Variants in AKAP13 observed in about 807,000 individuals in gnomAD.
AKAP13 encodes A-kinase anchor protein 13.
In AKAP13, 80 loss-of-function variants were observed where a neutral mutation model predicts 264.5. The observed-to-expected ratio is 0.30, with a 90% CI of 0.25 to 0.36. The LOEUF (loss-of-function observed/expected upper bound fraction) is 0.36. Ranked by LOEUF, AKAP13 falls within the 10% of genes least tolerant of loss-of-function variation. The pLI is 1.00. For missense variants in AKAP13, 3,712 were observed against 3,435.2 expected, an observed-to-expected ratio of 1.08 and a Z score of -2.01; for synonymous variants, 1,380 against 1,250.2, an observed-to-expected ratio of 1.10 and a Z score of -2.19.
At chr15:85,495,417 C>T (rs926210119) in intron 2 of AKAP13, among the ~76,000 whole-genome samples, 2 of 152,060 alleles carry the variant, frequency 1.3e-5, no homozygotes, top group Non-Finnish European at 2.9e-5. Flanking sequence ...CTAACTAAAA[C>T]GACTATAAGA....
intron 4 of AKAP13, chr15:85,537,027 G>A (rs2077424389): frequency 6.6e-6 from 1 of 152,156 alleles, no homozygotes; most frequent in Admixed American, 6.5e-5. Flanking sequence ...TACTTTGCAA[G>A]GTGAAATGCA....
intron 5 of AKAP13, among the ~76,000 whole-genome samples, chr15:85,553,096 T>G (rs1354409162): frequency 6.7e-6 from 1 of 149,728 alleles, no homozygotes; most frequent in African/African-American, 2.5e-5. Context: ...TTTTTTTTTT[T>G]TTTTTTGGAG....
chr15:85,662,257 C>A, intron 12 of AKAP13: 1 of 802,240 alleles, frequency 1.2e-6, no homozygotes, highest in Non-Finnish European at 2.1e-6. Flanking sequence ...GTGTTACATT[C>A]CTAAATTTTT....
At position 85,681,919 on chromosome 15, in the gene AKAP13, T is replaced by C. The variant is rs767224593; in HGVS notation, c.5102-239T>C. Among the ~76,000 whole-genome samples, 60 of 152,208 alleles carry C rather than the reference T, an allele frequency of 3.9e-4. 1 individual carries two copies. Among genetic ancestry groups the C allele is most frequent in the Non-Finnish European group, 6.5e-4 (44 of 68,046 alleles). ...AGTTATTTGGAGTCTTTTTAGTTAC[T>C]TGAATCCTGGATTAAACTTATTTTC... On this transcript the variant is annotated intron_variant, in intron 14 of 36. Coordinates refer to ENST00000394518, the MANE Select transcript of AKAP13 (RefSeq NM_007200.5).
intron 35 of AKAP13, among the ~76,000 whole-genome samples, chr15:85,742,572 T>C (rs2089109420): frequency 6.6e-6 from 1 of 152,250 alleles, no homozygotes; most frequent in Non-Finnish European, 1.5e-5. Flanking sequence ...GCATAGTTCC[T>C]GATTTGCCTC....
chr15:85,559,113 A>T (rs1340481386), intron 5 of AKAP13, among the ~76,000 whole-genome samples: 2 of 151,774 alleles, frequency 1.3e-5, no homozygotes, highest in Admixed American at 6.6e-5. Context: ...ACTGTTGTTG[A>T]TCTTGGTCAA....
intron 34 of AKAP13, chr15:85,740,537 ATTACT>A: frequency 2.1e-6 from 1 of 470,090 alleles, no homozygotes; most frequent in South Asian, 3.7e-5. Context: ...CATCTGGGAG[ATTACT>A]TCACTTTAGA....
chr15:85,620,034 A>G, intron 8 of AKAP13: 1 of 1,534,564 alleles, frequency 6.5e-7, no homozygotes, highest in Non-Finnish European at 8.7e-7. Flanking sequence ...ACTGGTCCCC[A>G]AGTTAACAGT....
In AKAP13 at chr15:85,523,472, G is replaced by C. The variant is rs534111155; in HGVS notation, c.181+1897G>C. Among the ~76,000 whole-genome samples, 89 of 151,996 alleles carry C rather than the reference G, an allele frequency of 5.9e-4. No homozygotes were observed. The Middle Eastern group carries it at 0.014, about 23-fold the overall frequency. On this transcript the variant is annotated intron_variant, in intron 3 of 36. Transcript: ENST00000394518. ...TATCACCTCCTCAGTGAGGCCTTTCGGTCCAGCTCATAAAAATACACAGCT... is the reference window on the plus strand; with the variant it reads ...TATCACCTCCTCAGTGAGGCCTTTCCGTCCAGCTCATAAAAATACACAGCT...
chr15:85,658,503 C>T, intron 11 of AKAP13, 34 bp from the exon 12 acceptor site: 1 of 1,609,490 alleles, frequency 6.2e-7, no homozygotes, highest in Non-Finnish European at 8.5e-7. Context: ...TTTGTTTCAC[C>T]TGCAACACTG....
At chr15:85,457,507 G>T (rs28567745) in intron 1 of AKAP13, among the ~76,000 whole-genome samples, 33 of 152,338 alleles carry the variant, frequency 2.2e-4, no homozygotes, top group African/African-American at 7.7e-4. Flanking sequence ...ATAGTAGAAG[G>T]AGGTGGAGAT....
rs2077646629 is a variant in AKAP13 at position 85,543,825 on chromosome 15, A to T, written c.532A>T (p.Arg178Trp). 1.9e-6 allele frequency: 3 copies of T among 1,613,806 alleles called. No homozygotes were observed. In the Admixed American group the frequency reaches 5.0e-5, roughly 27 times the overall value. ...TTTTGCTGTGCGGCTGGGACTGCTGAGGTTGACGTGGTTCCTGTTGCAGAA... is the reference window on the plus strand; with the variant it reads ...TTTTGCTGTGCGGCTGGGACTGCTGTGGTTGACGTGGTTCCTGTTGCAGAA... ...MHFAVRLGLL[R>W]LTWFLLQKPG... is the part of the protein sequence containing the mutation. The change falls in exon 5 of 37, where the codon AGG becomes TGG. Residue 178 changes from arginine (R) to tryptophan (W), a missense_variant. Coordinates refer to ENST00000394518, the MANE Select transcript of AKAP13 (RefSeq NM_007200.5).
At chr15:85,654,006 T>C (rs886258972) in intron 10 of AKAP13, among the ~76,000 whole-genome samples, 1 of 152,188 alleles carries the variant, frequency 6.6e-6, no homozygotes, top group Non-Finnish European at 1.5e-5. Context: ...CATGAGCCAC[T>C]GCGCCCAGCC....
chr15:85,582,342 C>G (rs1241071360), intron 7 of AKAP13, among the ~76,000 whole-genome samples: 1 of 152,132 alleles, frequency 6.6e-6, no homozygotes, highest in Non-Finnish European at 1.5e-5. Flanking sequence ...TATAAACACT[C>G]CTGTCTCATT....
intron 26 of AKAP13, among the ~76,000 whole-genome samples, chr15:85,725,417 T>C (rs1463747486): frequency 6.6e-6 from 1 of 152,098 alleles, no homozygotes; most frequent in Non-Finnish European, 1.5e-5. Flanking sequence ...CTGAATTATT[T>C]AAAAGTAAAC....
At chr15:85,588,035 G>A (rs2079432612) in intron 8 of AKAP13, among the ~76,000 whole-genome samples, 1 of 152,062 alleles carries the variant, frequency 6.6e-6, no homozygotes, top group Non-Finnish European at 1.5e-5. Context: ...AAATTAGAAA[G>A]CTGAAAATCA....
chr15:85,562,493 AGGT>A (rs1348568827), intron 5 of AKAP13, among the ~76,000 whole-genome samples: 2 of 146,458 alleles, frequency 1.4e-5, no homozygotes, highest in Non-Finnish European at 3.0e-5. Context: ...TGTACCTGGA[AGGT>A]GGTGGTTGCA....
intron 16 of AKAP13, among the ~76,000 whole-genome samples, chr15:85,686,798 T>A (rs49363): frequency 3.9e-5 from 6 of 151,998 alleles, no homozygotes; most frequent in Admixed American, 3.9e-4. Flanking sequence ...TATTAAATGC[T>A]TTGTATAGTC....
chr15:85,400,163 G>T (rs1223163238), intron 1 of AKAP13, among the ~76,000 whole-genome samples: 1 of 152,128 alleles, frequency 6.6e-6, no homozygotes, highest in Non-Finnish European at 1.5e-5. Context: ...ATTTTGAGAG[G>T]TTGAGGTGGG....
Sources: gnomAD v4.1 joint callset for allele counts (sites outside exome capture counted in the v4.1 genomes callset) on GRCh38, gnomAD v4.1.1 for gene constraint, MANE v1.5 for transcripts, NCBI Gene and HGNC (gene_info 2026-07-23, HGNC 2026-07-21) for gene names.